Variants in PARG observed in about 807,000 individuals in gnomAD.
PARG encodes poly(ADP-ribose) glycohydrolase, also known as mitochondrial poly(ADP-ribose) glycohydrolase.
In PARG, 35 loss-of-function variants were observed where a neutral mutation model predicts 113.0. The observed-to-expected ratio is 0.31, with a 90% CI of 0.24 to 0.41. The LOEUF (loss-of-function observed/expected upper bound fraction) is 0.41, where lower values mean the gene tolerates loss of function less well. Ranked by LOEUF, PARG falls within the 10% of genes least tolerant of loss-of-function variation. PARG has a pLI of 1.00. For synonymous variants in PARG, 330 were observed against 409.9 expected (o/e 0.81, Z 2.36); for missense variants, 797 against 1,169.4 (o/e 0.68, Z 4.64).
At chr10:49,892,630 T>C (rs1368388105) in intron 7 of PARG, among the ~76,000 whole-genome samples, 9 of 152,244 alleles carry the variant, frequency 5.9e-5, no homozygotes, top group Non-Finnish European at 1.2e-4. Flanking sequence ...GTACACTGAA[T>C]ACCCAAATAC....
intron 1 of PARG, among the ~76,000 whole-genome samples, chr10:49,938,688 T>C (rs1838867901): frequency 6.6e-6 from 1 of 152,010 alleles, no homozygotes; most frequent in South Asian, 2.1e-4. Context: ...CCTCTTGCCT[T>C]AGCCTCCCAA....
rs984826527 is a variant in PARG, at chr10:49,819,013, A to G, written c.*327T>C. ...GCAACTGGTATAATATATGGGCAGG[A>G]AGAAAGAGACCCGACAGGCTGAGCA... On this transcript the variant is annotated 3_prime_UTR_variant, in exon 18 of 18. Transcript: ENST00000616448. 2 of 184,796 alleles carry G rather than the reference A, an allele frequency of 1.1e-5. No homozygotes were observed. Among genetic ancestry groups the G allele is most frequent in the African/African-American group, 4.7e-5 (2 of 42,346 alleles). 11.4% of individuals were successfully genotyped at this position (184,796 alleles called of 1,614,324 possible).
In PARG at chr10:49,884,627, T is replaced by C. The variant is rs1554840083; in HGVS notation, c.1830+576A>G. Among the ~76,000 whole-genome samples the C allele has an allele frequency of 2.7e-5, 4 of 150,832 alleles. No homozygotes were observed. The East Asian group carries it at 7.8e-4, about 30-fold the overall frequency. ...ATGCCTATAATCCCAGCTACTTGGG[T>C]GGCTGAGGCAGGAGAATTGCTTGAA... is the stretch of plus-strand genomic sequence containing the variant. On this transcript the variant is annotated intron_variant, in intron 8 of 17. Transcript: ENST00000616448.
At chr10:49,901,007 T>C (rs1427376777) in intron 7 of PARG, among the ~76,000 whole-genome samples, 1 of 152,148 alleles carries the variant, frequency 6.6e-6, no homozygotes, top group African/African-American at 2.4e-5. Flanking sequence ...GTCCAAGAAA[T>C]ACAGGTGAGC....
Position 49,941,460 on chromosome 10 carries a change from G to C in PARG, c.217+49C>G, listed in dbSNP as rs1839062676. 2.2e-6 allele frequency: 3 copies of C among 1,370,708 alleles called. No individual in the cohort carries two copies. In the South Asian group the frequency reaches 3.8e-5, roughly 17 times the overall value. 84.9% of individuals were successfully genotyped at this position (1,370,708 alleles called of 1,614,324 possible). On this transcript the variant is annotated intron_variant, in intron 1 of 17. Transcript: ENST00000616448. ...CCCCTGGGTCCTCAGACTGAGACCA[G>C]AAGGTTCGGGCCGAGGCGAAGGACA...
chr10:49,846,187 G>GAT (rs1845498673), intron 13 of PARG, among the ~76,000 whole-genome samples: 1 of 150,730 alleles, frequency 6.6e-6, no homozygotes, highest in Admixed American at 6.6e-5. Context: ...AAAAAACATA[G>GAT]ATAGATCTCA....
At chr10:49,887,048 CTTT>C (rs1317586482) in intron 7 of PARG, among the ~76,000 whole-genome samples, 3 of 139,118 alleles carry the variant, frequency 2.2e-5, no homozygotes, top group Non-Finnish European at 3.2e-5. Context: ...TATAATTTAT[CTTT>C]TTTTTTTTTT....
chr10:49,837,621 A>C (rs558941745), intron 15 of PARG, among the ~76,000 whole-genome samples: 1 of 152,360 alleles, frequency 6.6e-6, no homozygotes, highest in African/African-American at 2.4e-5. Flanking sequence ...GCTTTAATCT[A>C]GAAGGCCTAA....
chr10:49,825,978 A>G (rs1554829320), intron 16 of PARG, among the ~76,000 whole-genome samples: 1 of 152,312 alleles, frequency 6.6e-6, no homozygotes, highest in Non-Finnish European at 1.5e-5. Flanking sequence ...AATATTTGCA[A>G]TATCAGTTGA....
chr10:49,896,749 T>C (rs1326995345), intron 7 of PARG, among the ~76,000 whole-genome samples: 3 of 152,238 alleles, frequency 2.0e-5, no homozygotes, highest in African/African-American at 7.2e-5. Context: ...TTTCTAGATT[T>C]CATTTGCTAA....
At chr10:49,885,168 T>A (rs1554840218) in intron 8 of PARG, 35 bp downstream of exon 8, 1 of 1,123,034 alleles carries the variant, frequency 8.9e-7, no homozygotes, top group Non-Finnish European at 1.4e-6. Flanking sequence ...ATTGGCAGTC[T>A]CAGGGAAGCT....
chr10:49,905,265 A>C (rs370647976), intron 7 of PARG, among the ~76,000 whole-genome samples: 607 of 152,200 alleles, frequency 4.0e-3, no homozygotes, highest in East Asian at 0.016. Context: ...TAAATGTTAC[A>C]AAACAATGAA....
intron 7 of PARG, among the ~76,000 whole-genome samples, chr10:49,912,392 C>T (rs138499606): frequency 1.3e-5 from 2 of 152,086 alleles, no homozygotes; most frequent in Non-Finnish European, 2.9e-5. Context: ...AGGCCGAGCG[C>T]GGTGGCTCAT....
At chr10:49,895,118 C>T (rs1176041722) in intron 7 of PARG, among the ~76,000 whole-genome samples, 1 of 152,170 alleles carries the variant, frequency 6.6e-6, no homozygotes, top group Non-Finnish European at 1.5e-5. Context: ...CTAGTTACAT[C>T]TGCAAAGACT....
chr10:49,921,331 AT>A (rs1554849242), intron 6 of PARG, among the ~76,000 whole-genome samples: 1 of 152,176 alleles, frequency 6.6e-6, no homozygotes, highest in Non-Finnish European at 1.5e-5. Flanking sequence ...AATAATTCTA[AT>A]GATAATCTCT....
chr10:49,824,388 G>C (rs1844250176), intron 16 of PARG, among the ~76,000 whole-genome samples: 1 of 152,172 alleles, frequency 6.6e-6, no homozygotes, highest in Non-Finnish European at 1.5e-5. Context: ...GTCTATTAGA[G>C]TATGTGGACT....
intron 4 of PARG, among the ~76,000 whole-genome samples, chr10:49,931,176 T>C (rs1323975227): frequency 3.3e-5 from 5 of 152,068 alleles, no homozygotes; most frequent in African/African-American, 9.7e-5. Flanking sequence ...GCCCTCGTTA[T>C]AGTCTTTTGT....
intron 7 of PARG, among the ~76,000 whole-genome samples, chr10:49,909,018 A>G (rs759006192): frequency 2.0e-5 from 3 of 152,140 alleles, no homozygotes; most frequent in Non-Finnish European, 4.4e-5. Flanking sequence ...TCCTCTAACA[A>G]TATTTTTGTT....
intron 7 of PARG, among the ~76,000 whole-genome samples, chr10:49,906,411 A>G (rs1328302884): frequency 6.6e-6 from 1 of 151,988 alleles, no homozygotes; most frequent in Admixed American, 6.6e-5. Context: ...GCTTTACTCA[A>G]TTAGTTTTTA....
Sources: allele counts gnomAD v4.1 joint callset (sites outside exome capture counted in the v4.1 genomes callset), GRCh38; gene constraint gnomAD v4.1.1; transcripts MANE v1.5; gene names NCBI Gene and HGNC (gene_info 2026-07-23, HGNC 2026-07-21).